FAM240C: variants seen among roughly 807,000 people sequenced by gnomAD.
FAM240C encodes the protein family with sequence similarity 240 member C.
In FAM240C, 14 loss-of-function variants were observed where a neutral mutation model predicts 10.0. That is an observed-to-expected ratio of 1.40 (90% CI 0.92 to 2.19). The LOEUF (loss-of-function observed/expected upper bound fraction) is 2.19, where lower values mean the gene tolerates loss of function less well. FAM240C is among the 30% of genes most tolerant of loss of function. FAM240C has a pLI of 0.00. For missense variants in FAM240C, 154 were observed against 122.3 expected (o/e 1.26, Z -1.22); for synonymous variants, 49 against 44.3 (o/e 1.11, Z -0.42).
chr2:241,898,243 A>T (rs957011028), intron 1 of FAM240C, among the ~76,000 whole-genome samples: 3 of 152,198 alleles, frequency 2.0e-5, no homozygotes, highest in South Asian at 4.1e-4. Context: ...TTAGAATATC[A>T]ATCTACAGCC....
At chr2:241,895,995 C>T (rs147894687) in intron 2 of FAM240C, among the ~76,000 whole-genome samples, 185 of 152,258 alleles carry the variant, frequency 1.2e-3, no homozygotes, top group African/African-American at 4.2e-3. Context: ...CATCGTCTGC[C>T]GAGTGCCTGC....
At chr2:241,899,444 A>C (rs1242443258) in intron 1 of FAM240C, 1 of 610,716 alleles carries the variant, frequency 1.6e-6, no homozygotes, top group African/African-American at 2.0e-5. Context: ...AGTGAGTGAA[A>C]ACTCATCCAA....
chr2:241,895,802 C>T (rs1350115094), intron 2 of FAM240C, among the ~76,000 whole-genome samples: 1 of 150,784 alleles, frequency 6.6e-6, no homozygotes, highest in Non-Finnish European at 1.5e-5. Flanking sequence ...CCTGAGCCCA[C>T]TCCTGGGATC....
intron 2 of FAM240C, 66 bp from the exon 3 acceptor site, chr2:241,894,405 G>C (rs538536462): frequency 1.5e-5 from 22 of 1,491,992 alleles, no homozygotes; most frequent in East Asian, 2.5e-5. Context: ...GGCCAAGCCC[G>C]TGTCTCTCAG....
chr2:241,895,262 G>A (rs1701765702), intron 2 of FAM240C, among the ~76,000 whole-genome samples: 1 of 142,490 alleles, frequency 7.0e-6, no homozygotes. Flanking sequence ...ATGCATGAGA[G>A]GGTCAGCTGG....
At position 241,897,241 on chromosome 2, in the gene FAM240C, G is replaced by A. The variant is rs1171709743; in HGVS notation, c.106C>T (p.His36Tyr). The change falls in exon 2 of 3, where the codon CAC (histidine) becomes TAC (tyrosine). Residue 36 changes from histidine (H) to tyrosine (Y), a missense_variant. Coordinates refer to ENST00000404031, the MANE Select transcript of FAM240C (RefSeq NM_001382368.1). ...KMFWEKKIEH[H>Y]ARHLQNEDIR... ...TCCTCGTTCTGCAGGTGTCTTGCGT[G>A]ATGCTCGATTTTTTTCTCCCAAAAC... 3.2e-6 allele frequency: 5 copies of A among 1,549,844 alleles called. No homozygotes were observed. The African/African-American group carries it at 5.5e-5, about 17-fold the overall frequency.
rs78369978 is a variant in FAM240C at position 241,895,030 on chromosome 2, T to C, written c.162-691A>G. Among the ~76,000 whole-genome samples the C allele has an allele frequency of 0.029, 4,393 of 152,200 alleles. 455 individuals are homozygous for C. The East Asian group carries it at 0.37, about 13-fold the overall frequency. ...CTTCAGCCTCAAGTGCTTTTGGCTT[T>C]AGAAGTTGGAGAGTGGGGTGGGTGC... On this transcript the variant is annotated intron_variant, in intron 2 of 2. Transcript: ENST00000404031.
chr2:241,899,154 C>T (rs900126560), intron 1 of FAM240C: 32 of 1,304,148 alleles, frequency 2.5e-5, no homozygotes, highest in South Asian at 4.9e-5. Flanking sequence ...TTCTGGAGCT[C>T]GGCTCAGGTT....
rs1483499482 is a variant in FAM240C, at chr2:241,897,215, G to A, written c.132C>T (p.Asp44=). 2 of 1,549,972 alleles carry A rather than the reference G, an allele frequency of 1.3e-6. No individual in the cohort carries two copies. Among genetic ancestry groups the A allele is most frequent in the Non-Finnish European group, 1.7e-6 (2 of 1,146,522 alleles). ...EHHARHLQNE[D]IRVRRSALNK... is the part of the protein sequence containing the mutation. ...TCAGAGCGCTTCTGCGAACCCTGAT[G>A]TCCTCGTTCTGCAGGTGTCTTGCGT... The change falls in exon 2 of 3, where the codon GAC becomes GAT. Residue 44 remains aspartate, a synonymous_variant. Coordinates refer to ENST00000404031, the MANE Select transcript of FAM240C (RefSeq NM_001382368.1).
At chr2:241,896,494 GT>G in intron 2 of FAM240C, among the ~76,000 whole-genome samples, 3 of 74,058 alleles carry the variant, frequency 4.1e-5, no homozygotes, top group Non-Finnish European at 6.9e-5. Flanking sequence ...GGAAGGGGGT[GT>G]GGGTGAAGGG....
At chr2:241,901,692 G>C (rs1199896191), upstream of FAM240C, among the ~76,000 whole-genome samples, 1 of 152,316 alleles carries the variant, frequency 6.6e-6, no homozygotes, top group East Asian at 1.9e-4. The surrounding 1 kb of genome is among the most constrained non-coding windows in gnomAD (Gnocchi z 4.9). Flanking sequence ...ACGCCGGTGA[G>C]AACCAGCAGC....
intron 1 of FAM240C, 131 bp from the exon 2 acceptor site, chr2:241,897,465 G>A (rs1166354474): frequency 1.1e-5 from 12 of 1,064,538 alleles, no homozygotes; most frequent in Middle Eastern, 2.1e-4. Flanking sequence ...TTCCTGGTTC[G>A]TGGGGGATGG....
chr2:241,897,279 C>A lies in FAM240C; in HGVS notation c.68G>T (p.Gly23Val). ...KNPGRVAYDS[G>V]GIKMFWEKKI... is the part of the protein sequence containing the mutation. ...TTTCTCCCAAAACATCTTTATCCCG[C>A]CTGAATCGTATGCTACTCTTCCAGG... The change falls in exon 2 of 3, where the codon GGC becomes GTC. Residue 23 changes from glycine to valine, a missense_variant. Transcript: ENST00000404031. 4 of 1,549,842 alleles carry A rather than the reference C, an allele frequency of 2.6e-6. No individual in the cohort carries two copies. The highest frequency in any genetic ancestry group is 3.5e-6 in the Non-Finnish European group (4 of 1,146,540).
At chr2:241,896,799 TGGGGTGTGGGTGTG>T (rs1701832526) in intron 2 of FAM240C, among the ~76,000 whole-genome samples, 1 of 5,200 alleles carries the variant, frequency 1.9e-4, no homozygotes, top group African/African-American at 1.1e-3. Context: ...GTGTGGGTGT[TGGGGTGTGGGTGTG>T]TGGGTGTGGG....
intron 2 of FAM240C, 76 bp from the exon 3 acceptor site, chr2:241,894,415 G>A: frequency 6.9e-7 from 1 of 1,456,490 alleles, no homozygotes; most frequent in Non-Finnish European, 9.2e-7. Flanking sequence ...GTGTCTCTCA[G>A]CACCTGGGCA....
chr2:241,894,821 G>A (rs1701753314), intron 2 of FAM240C, among the ~76,000 whole-genome samples: 1 of 152,088 alleles, frequency 6.6e-6, no homozygotes, highest in South Asian at 2.1e-4. Flanking sequence ...GGCTGCCTGT[G>A]GGTGCCCACT....
intron 2 of FAM240C, 117 bp from the exon 3 acceptor site, chr2:241,894,456 C>T: frequency 8.3e-7 from 1 of 1,199,778 alleles, no homozygotes. Flanking sequence ...ACACTCCCTG[C>T]CAGGGGTGGG....
upstream of FAM240C, among the ~76,000 whole-genome samples, chr2:241,901,326 A>G (rs962433305): frequency 1.3e-5 from 2 of 152,154 alleles, no homozygotes; most frequent in Non-Finnish European, 2.9e-5. This position sits in a 1 kb window ranked among gnomAD's most constrained non-coding sequence, Gnocchi z 4.9. Flanking sequence ...GCCCAGGGCC[A>G]GCCTCCGTGA....
intron 1 of FAM240C, among the ~76,000 whole-genome samples, chr2:241,898,690 C>G (rs1027040270): frequency 1.3e-5 from 2 of 152,360 alleles, no homozygotes; most frequent in African/African-American, 2.4e-5. Context: ...CCCTGGGACG[C>G]GTGGAGCCTG....
Sources: allele counts gnomAD v4.1 joint callset (sites outside exome capture counted in the v4.1 genomes callset), GRCh38; gene constraint gnomAD v4.1.1; non-coding constraint Gnocchi (gnomAD v3.1); transcripts MANE v1.5; gene names NCBI Gene and HGNC (gene_info 2026-07-23, HGNC 2026-07-21).